NSUN2: variants seen among roughly 807,000 people sequenced by gnomAD.
NSUN2 encodes the protein RNA cytosine C(5)-methyltransferase NSUN2.
Under a neutral mutation model 92.7 loss-of-function variants are expected in NSUN2, and 63 were observed. The observed-to-expected ratio is 0.68, with a 90% CI of 0.56 to 0.84. NSUN2 has a LOEUF of 0.84. NSUN2 is among the 40% of genes least tolerant of loss of function. The probability of loss-of-function intolerance (pLI) is 0.00; values close to 1 mark genes in which losing one functional copy is unlikely to be tolerated. For missense variants in NSUN2, 989 were observed against 964.9 expected (o/e 1.02, Z -0.33); for synonymous variants, 356 against 348.3 (o/e 1.02, Z -0.25).
In NSUN2 at chr5:6,633,017, C is replaced by A; in HGVS notation, c.-38G>T. ...CGCGCACGCAGCACGCAGAAACCGG[C>A]CCGCCACGGCCAGAACTCTAGCCCT... On this transcript the variant is annotated 5_prime_UTR_variant, in exon 1 of 19. Transcript: ENST00000264670. 1 of 1,413,466 alleles carries A rather than the reference C, an allele frequency of 7.1e-7. No homozygotes were observed. The highest frequency in any genetic ancestry group is 1.5e-5 in the South Asian group (1 of 65,358). 87.6% of individuals were successfully genotyped at this position (1,413,466 alleles called of 1,614,324 possible).
intron 9 of NSUN2, among the ~76,000 whole-genome samples, 182 bp downstream of exon 9, chr5:6,616,545 T>A (rs1162310090): frequency 6.6e-6 from 1 of 152,194 alleles, no homozygotes; most frequent in African/African-American, 2.4e-5. Flanking sequence ...GTTTCAGTTT[T>A]GCAAGGTGAA....
At chr5:6,603,183 C>G (rs1157184032) in intron 17 of NSUN2, among the ~76,000 whole-genome samples, 26 of 152,164 alleles carry the variant, frequency 1.7e-4, no homozygotes, top group Admixed American at 1.7e-3. Context: ...AAAATTAGAA[C>G]AGCTTGGAGA....
At chr5:6,608,891 T>C (rs1018843556) in intron 12 of NSUN2, among the ~76,000 whole-genome samples, 4 of 152,360 alleles carry the variant, frequency 2.6e-5, no homozygotes, top group Middle Eastern at 3.4e-3. Flanking sequence ...ACTGATTCCA[T>C]GAAAATAACA....
At chr5:6,615,819 GAA>G (rs1737186924) in intron 9 of NSUN2, among the ~76,000 whole-genome samples, 1 of 152,230 alleles carries the variant, frequency 6.6e-6, no homozygotes, top group Non-Finnish European at 1.5e-5. Context: ...AATATGATGG[GAA>G]AAGTTAACAT....
intron 9 of NSUN2, among the ~76,000 whole-genome samples, chr5:6,616,340 TG>T: frequency 6.6e-6 from 1 of 152,332 alleles, no homozygotes; most frequent in Non-Finnish European, 1.5e-5. Context: ...AATGCAATTT[TG>T]ACACAGACAA....
chr5:6,626,320 A>ATTTTTATTT (rs552463707), intron 3 of NSUN2, among the ~76,000 whole-genome samples: 2 of 151,628 alleles, frequency 1.3e-5, no homozygotes, highest in South Asian at 4.2e-4. Flanking sequence ...CATCAATGTT[A>ATTTTTATTT]TTTTTATTTT....
At chr5:6,609,193 C>T (rs1234828234) in intron 12 of NSUN2, among the ~76,000 whole-genome samples, 1 of 152,200 alleles carries the variant, frequency 6.6e-6, no homozygotes, top group African/African-American at 2.4e-5. Flanking sequence ...CAGGTTCTTT[C>T]ATCATGGAAG....
chr5:6,616,450 T>C (rs1328864818), intron 9 of NSUN2, among the ~76,000 whole-genome samples: 1 of 152,100 alleles, frequency 6.6e-6, no homozygotes, highest in Non-Finnish European at 1.5e-5. Flanking sequence ...TCTAGAGTAG[T>C]CAAAGTCATA....
rs138680845 is a variant in NSUN2, at chr5:6,605,002, G to A, written c.1737+271C>T. 1.1e-4 allele frequency: 65 copies of A among 588,292 alleles called. 1 individual carries two copies. Among genetic ancestry groups the A allele is most frequent in the African/African-American group, 1.1e-3 (58 of 53,718 alleles). 36.4% of individuals were successfully genotyped at this position (588,292 alleles called of 1,614,324 possible). A position where few individuals can be genotyped will look rare whatever the true frequency, so the allele number is the denominator to read the frequency against. On this transcript the variant is annotated intron_variant, in intron 15 of 18. Transcript: ENST00000264670. Reference sequence around the variant, plus strand: ...TTTAGTACCTTCTCTGCCCAGGAGGGCGAGCTGTGAGAACTACACCATGGC... The same window carrying A: ...TTTAGTACCTTCTCTGCCCAGGAGGACGAGCTGTGAGAACTACACCATGGC...
chr5:6,604,635 C>T lies in NSUN2; in HGVS notation c.1788G>A (p.Glu596=), dbSNP rs755717526. ...GTGCCAGCCGGAAAGCACAGTCAAA[C>T]TCTTCACCGCTGTTATTTCTACACC... ...KVWCRNNSGE[E]FDCAFRLAQE... The change falls in exon 16 of 19, where the codon GAG becomes GAA. Residue 596 remains glutamate (E), a synonymous_variant. Transcript: ENST00000264670. The T allele has an allele frequency of 6.2e-7, 1 of 1,614,050 alleles. No homozygotes were observed. The highest frequency in any genetic ancestry group is 8.5e-7 in the Non-Finnish European group (1 of 1,180,036).
At position 6,604,770 on chromosome 5, in the gene NSUN2, G is replaced by A. The variant is rs566320951; in HGVS notation, c.1738-85C>T. 20 of 1,112,230 alleles carry A rather than the reference G, an allele frequency of 1.8e-5. 1 individual carries two copies. Among genetic ancestry groups the A allele is most frequent in the South Asian group, 2.5e-5 (2 of 78,826 alleles). 68.9% of individuals were successfully genotyped at this position (1,112,230 alleles called of 1,614,324 possible). A position where few individuals can be genotyped will look rare whatever the true frequency, so the allele number is the denominator to read the frequency against. On this transcript the variant is annotated intron_variant, in intron 15 of 18. Transcript: ENST00000264670. ...GGATGCCGGGCCACATGGAGCAACC[G>A]TCACGGAATGGGAAAGGAGAGGAGA...
At chr5:6,607,983 T>C in intron 12 of NSUN2, among the ~76,000 whole-genome samples, 1 of 151,884 alleles carries the variant, frequency 6.6e-6, no homozygotes, top group East Asian at 1.9e-4. Flanking sequence ...AAAATACATG[T>C]CCTTTTTAAC....
intron 18 of NSUN2, among the ~76,000 whole-genome samples, chr5:6,601,542 G>A (rs550470545): frequency 4.3e-4 from 66 of 152,042 alleles, no homozygotes; most frequent in African/African-American, 1.5e-3. Context: ...CATGGCAGCC[G>A]GACAGCCTGA....
intron 9 of NSUN2, among the ~76,000 whole-genome samples, chr5:6,614,565 G>C (rs745658992): frequency 4.6e-5 from 7 of 152,164 alleles, no homozygotes; most frequent in African/African-American, 1.7e-4. Flanking sequence ...TGGAAAGAGA[G>C]ACCCATGGGA....
chr5:6,620,569 C>A (rs1045285860), intron 6 of NSUN2: 4 of 315,328 alleles, frequency 1.3e-5, no homozygotes, highest in Non-Finnish European at 2.3e-5. Flanking sequence ...CCAAAAATGT[C>A]TTTTCTGTTA....
intron 18 of NSUN2, among the ~76,000 whole-genome samples, chr5:6,601,668 G>A (rs779178868): frequency 4.6e-5 from 7 of 152,098 alleles, no homozygotes; most frequent in Non-Finnish European, 8.8e-5. Context: ...CAGGATCTGC[G>A]CTTTGGTGGT....
In NSUN2 at chr5:6,627,401, T is replaced by C. The variant is rs761381298; in HGVS notation, c.360-1732A>G. Among the ~76,000 whole-genome samples, 9 of 152,210 alleles carry C rather than the reference T, an allele frequency of 5.9e-5. 1 individual carries two copies. Among genetic ancestry groups the C allele is most frequent in the South Asian group, 4.1e-4 (2 of 4,834 alleles). ...AAAGCTAGTACGATCATGTAAGTTA[T>C]TGCCTTACCAAATCACTAAGACATC... On this transcript the variant is annotated intron_variant, in intron 3 of 18. Coordinates refer to ENST00000264670, the MANE Select transcript of NSUN2 (RefSeq NM_017755.6).
At chr5:6,632,295 T>G (rs551007171) in intron 2 of NSUN2, among the ~76,000 whole-genome samples, 3 of 152,304 alleles carry the variant, frequency 2.0e-5, no homozygotes, top group Middle Eastern at 6.8e-3. Flanking sequence ...AGGGGTTTTA[T>G]GCATTCTCTA....
chr5:6,609,107 A>G (rs1336134740), intron 12 of NSUN2, among the ~76,000 whole-genome samples: 2 of 152,128 alleles, frequency 1.3e-5, no homozygotes, highest in Non-Finnish European at 2.9e-5. Context: ...TGTTCCTCCA[A>G]AGCTAAGCGT....
Sources: allele counts gnomAD v4.1 joint callset (sites outside exome capture counted in the v4.1 genomes callset), GRCh38; gene constraint gnomAD v4.1.1; transcripts MANE v1.5; gene names NCBI Gene and HGNC (gene_info 2026-07-23, HGNC 2026-07-21).